DMD: variants seen among roughly 807,000 people sequenced by gnomAD.
The protein encoded by DMD is dystrophin.
Under a neutral mutation model 330.1 loss-of-function variants are expected in DMD, and 63 were observed. The observed-to-expected ratio is 0.19, with a 90% CI of 0.16 to 0.24. The LOEUF is 0.24. DMD is among the 10% of genes least tolerant of loss of function. The probability of loss-of-function intolerance (pLI) is 1.00; values close to 1 mark genes in which losing one functional copy is unlikely to be tolerated. For missense variants in DMD, 3,344 were observed against 2,684.1 expected (o/e 1.25, Z -5.43); for synonymous variants, 1,223 against 959.8 (o/e 1.27, Z -5.07).
In DMD at chrX:32,456,029, AT is replaced by A. The variant is rs760638927; in HGVS notation, c.3433-1198del. On this transcript the variant is annotated intron_variant, in intron 25 of 78. Coordinates refer to ENST00000357033, the MANE Select transcript of DMD (RefSeq NM_004006.3). ...TGCTTTTACTTTAAAAAGTAACTCTATTCAAAAGATGGTATTCTTCTCTCTG... is the reference window on the plus strand; with the variant it reads ...TGCTTTTACTTTAAAAAGTAACTCTATCAAAAGATGGTATTCTTCTCTCTG... Among the ~76,000 whole-genome samples, 32 of 111,184 alleles carry A rather than the reference AT, an allele frequency of 2.9e-4. No individual in the cohort carries two copies. In the East Asian group the frequency reaches 5.9e-3, roughly 21 times the overall value.
At chrX:32,873,567 T>G (rs953212084) in intron 2 of DMD, among the ~76,000 whole-genome samples, 3 of 111,682 alleles carry the variant, frequency 2.7e-5, no homozygotes, top group Non-Finnish European at 5.6e-5. Flanking sequence ...GAGCATTCAT[T>G]TCTTATATGA....
At chrX:31,954,773 A>G (rs1041892087) in intron 45 of DMD, among the ~76,000 whole-genome samples, 3 of 110,805 alleles carry the variant, frequency 2.7e-5, no homozygotes, top group African/African-American at 6.6e-5. Context: ...GAAAAATAAC[A>G]TAAATTTACT....
At chrX:31,851,219 T>C (rs2093519311) in intron 48 of DMD, among the ~76,000 whole-genome samples, 1 of 111,216 alleles carries the variant, frequency 9.0e-6, no homozygotes, top group Admixed American at 9.6e-5. Flanking sequence ...CCAACCTGAT[T>C]GACAAAGAAT....
At chrX:31,300,270 T>C (rs1248733050) in intron 62 of DMD, among the ~76,000 whole-genome samples, 5 of 112,431 alleles carry the variant, frequency 4.4e-5, no homozygotes, top group African/African-American at 1.6e-4. Context: ...GCATTTTTCA[T>C]GTTACAAAAA....
At chrX:32,644,352 T>C in intron 10 of DMD, 39 bp from the exon 11 acceptor site, 1 of 1,179,209 alleles carries the variant, frequency 8.5e-7, no homozygotes, top group South Asian at 1.8e-5. Context: ...ATTAGAACTC[T>C]AGGTAAATCG....
chrX:33,240,241 C>T (rs2052566114), intron 1 of DMD, among the ~76,000 whole-genome samples: 1 of 111,607 alleles, frequency 9.0e-6, no homozygotes, highest in South Asian at 3.7e-4. Flanking sequence ...AACTACCTCA[C>T]CTTCTGGTAA....
chrX:31,854,703 A>T (rs891036399), intron 48 of DMD, among the ~76,000 whole-genome samples: 3 of 112,031 alleles, frequency 2.7e-5, no homozygotes, highest in African/African-American at 9.7e-5. Context: ...ACCAATAAAA[A>T]GTAGGTTTTA....
intron 34 of DMD, among the ~76,000 whole-genome samples, chrX:32,376,409 T>C (rs1303943043): frequency 1.8e-5 from 2 of 112,089 alleles, no homozygotes; most frequent in Admixed American, 1.9e-4. Flanking sequence ...GCTCACACAA[T>C]GATGGTTGTC....
At chrX:32,531,729 T>C in intron 17 of DMD, among the ~76,000 whole-genome samples, 1 of 110,722 alleles carries the variant, frequency 9.0e-6, no homozygotes, top group East Asian at 2.8e-4. Flanking sequence ...TACATTTTTC[T>C]TTTGTTCCAA....
intron 2 of DMD, among the ~76,000 whole-genome samples, chrX:32,937,448 G>A (rs1010598657): frequency 9.4e-6 from 1 of 106,882 alleles, no homozygotes; most frequent in South Asian, 4.3e-4. Flanking sequence ...AAATGGATTT[G>A]AAAGGACAAG....
intron 7 of DMD, among the ~76,000 whole-genome samples, chrX:32,785,030 A>G (rs946912686): frequency 1.8e-5 from 2 of 110,665 alleles, no homozygotes; most frequent in African/African-American, 6.6e-5. Flanking sequence ...CCTGGGGCAC[A>G]TAACTTTAAA....
At chrX:32,313,611 ATC>A (rs2097572347) in intron 41 of DMD, among the ~76,000 whole-genome samples, 1 of 111,301 alleles carries the variant, frequency 9.0e-6, no homozygotes, top group South Asian at 3.8e-4. Flanking sequence ...AAGTCAAATT[ATC>A]TCTGTTTGCA....
At chrX:31,434,425 CACACACACACA>C (rs2064345049) in intron 60 of DMD, among the ~76,000 whole-genome samples, 1 of 52,243 alleles carries the variant, frequency 1.9e-5, no homozygotes, top group African/African-American at 1.3e-4. Context: ...CGCGCACACA[CACACACACACA>C]CACACACACA....
chrX:32,210,260 T>C (rs1417667812), intron 44 of DMD, among the ~76,000 whole-genome samples: 1 of 112,191 alleles, frequency 8.9e-6, no homozygotes, highest in Non-Finnish European at 1.9e-5. Flanking sequence ...TCCCTTATGC[T>C]AGTGTATGTC....
In DMD at chrX:32,456,578, T is replaced by TTGTGTGTG. The variant is rs60876331; in HGVS notation, c.3433-1754_3433-1747dup. ...AAAACTATACATTCACATACATACT[T>TTGTGTGTG]TGTGTGTGTGTGTGTGTGTGTGTGT... On this transcript the variant is annotated intron_variant, in intron 25 of 78. Transcript: ENST00000357033. Among the ~76,000 whole-genome samples the TTGTGTGTG allele has an allele frequency of 2.2e-3, 201 of 89,499 alleles. 1 individual carries two copies. The highest frequency in any genetic ancestry group is 7.4e-3 in the African/African-American group (183 of 24,683). The allele number at this position is 89,499 out of a possible 115,157, so 77.7% of individuals were successfully genotyped here.
intron 44 of DMD, among the ~76,000 whole-genome samples, chrX:32,027,727 G>A (rs940473043): frequency 3.6e-5 from 4 of 112,100 alleles, no homozygotes; most frequent in Non-Finnish European, 5.6e-5. Flanking sequence ...ATCTTCTCTT[G>A]AGGAATAATG....
intron 7 of DMD, among the ~76,000 whole-genome samples, chrX:32,724,768 C>T (rs2066688078): frequency 8.9e-6 from 1 of 111,853 alleles, no homozygotes; most frequent in Non-Finnish European, 1.9e-5. Context: ...AAATACTAAC[C>T]TGTTATAAAT....
At chrX:32,461,668 T>G (rs913512890) in intron 25 of DMD, among the ~76,000 whole-genome samples, 1 of 110,786 alleles carries the variant, frequency 9.0e-6, no homozygotes, top group African/African-American at 3.3e-5. Flanking sequence ...TTTTTTTGGC[T>G]GATGTTTTCC....
rs1208335848 is a variant in DMD, at chrX:32,504,951, A to T, written c.2293-3109T>A. Among the ~76,000 whole-genome samples, 3 of 112,361 alleles carry T rather than the reference A, an allele frequency of 2.7e-5. No individual in the cohort carries two copies. In the East Asian group the frequency reaches 8.3e-4, roughly 31 times the overall value. On this transcript the variant is annotated intron_variant, in intron 18 of 78. Transcript: ENST00000357033. ...ACCAAAAATAAATACATTTCCACTG[A>T]ATTTAGAAATTTGTGTAACTGCTTG...
Sources: allele counts gnomAD v4.1 joint callset (sites outside exome capture counted in the v4.1 genomes callset), GRCh38; gene constraint gnomAD v4.1.1; transcripts MANE v1.5; gene names NCBI Gene and HGNC (gene_info 2026-07-23, HGNC 2026-07-21).